ATAD2B: variants seen among roughly 807,000 people sequenced by gnomAD.
The protein encoded by ATAD2B is ATPase family AAA domain containing 2B, also known as ATPase family AAA domain-containing protein 2B.
Under a neutral mutation model 167.6 loss-of-function variants are expected in ATAD2B, and 40 were observed. That is an observed-to-expected ratio of 0.24 (90% CI 0.19 to 0.31). The LOEUF (loss-of-function observed/expected upper bound fraction) is 0.31, where lower values mean the gene tolerates loss of function less well. Among genes scored for constraint, ATAD2B ranks in the 10% least tolerant of loss-of-function variants. The pLI is 1.00. For missense variants in ATAD2B, 1,242 were observed against 1,757.2 expected (o/e 0.71, Z 5.24); for synonymous variants, 579 against 596.5 (o/e 0.97, Z 0.43).
intron 1 of ATAD2B, among the ~76,000 whole-genome samples, chr2:23,915,882 C>T (rs975192383): frequency 6.6e-6 from 1 of 152,040 alleles, no homozygotes; most frequent in Admixed American, 6.6e-5. Context: ...TGAGCCACCG[C>T]GCCTGGCCTC....
At chr2:23,823,723 T>TA (rs1275377894) in intron 15 of ATAD2B, among the ~76,000 whole-genome samples, 154 bp from the exon 16 acceptor site, 1 of 152,222 alleles carries the variant, frequency 6.6e-6, no homozygotes, top group Non-Finnish European at 1.5e-5. Flanking sequence ...ACTAGCCATT[T>TA]AAAATCACCA....
intron 14 of ATAD2B, among the ~76,000 whole-genome samples, chr2:23,829,352 T>G (rs949591382): frequency 2.6e-5 from 4 of 152,228 alleles, no homozygotes; most frequent in Admixed American, 1.3e-4. Flanking sequence ...TTAAACAAAC[T>G]TTACATTTCA....
intron 23 of ATAD2B, 43 bp downstream of exon 23, chr2:23,765,463 G>C: frequency 8.3e-6 from 13 of 1,562,818 alleles, no homozygotes; most frequent in Non-Finnish European, 1.1e-5. Flanking sequence ...GGCCTGAACA[G>C]AGCACACTAG....
At chr2:23,805,483 C>T (rs1216337090) in intron 18 of ATAD2B, among the ~76,000 whole-genome samples, 1 of 152,114 alleles carries the variant, frequency 6.6e-6, no homozygotes, top group African/African-American at 2.4e-5. Context: ...GCTGGTCCCA[C>T]GTGAAGGGAT....
intron 24 of ATAD2B, among the ~76,000 whole-genome samples, chr2:23,761,411 G>T (rs1348211669): frequency 1.3e-5 from 2 of 152,176 alleles, no homozygotes; most frequent in Non-Finnish European, 2.9e-5. Context: ...ACTGCTCGTT[G>T]GAGCATTTCA....
At chr2:23,678,620 T>A in the ATAD2B span, among the ~76,000 whole-genome samples, 1 of 152,218 alleles carries the variant, frequency 6.6e-6, no homozygotes, top group Admixed American at 6.5e-5. Context: ...TAAGTGCTCA[T>A]AGCAGCATTG....
chr2:23,764,474 A>T (rs1677146769), intron 23 of ATAD2B, among the ~76,000 whole-genome samples: 1 of 152,216 alleles, frequency 6.6e-6, no homozygotes, highest in African/African-American at 2.4e-5. Context: ...TCTACAAGAT[A>T]AATCACAAGC....
At chr2:23,787,987 C>A (rs375248557) in intron 20 of ATAD2B, among the ~76,000 whole-genome samples, 2 of 152,166 alleles carry the variant, frequency 1.3e-5, no homozygotes, top group East Asian at 1.9e-4. Context: ...AAATCTAACA[C>A]TTAAAACAAA....
downstream of ATAD2B, among the ~76,000 whole-genome samples, chr2:23,745,452 G>A (rs563993532): frequency 2.3e-4 from 35 of 149,480 alleles, no homozygotes; most frequent in Non-Finnish European, 4.5e-4. Flanking sequence ...GAAGGGAAGG[G>A]AAGGAAGGAA....
At chr2:23,839,668 A>G (rs1414442441) in intron 13 of ATAD2B, among the ~76,000 whole-genome samples, 1 of 152,106 alleles carries the variant, frequency 6.6e-6, no homozygotes, top group Non-Finnish European at 1.5e-5. Flanking sequence ...TTTTATATAC[A>G]TGTTCACAAG....
At chr2:23,743,098 A>C in the ATAD2B span, among the ~76,000 whole-genome samples, 5 of 152,024 alleles carry the variant, frequency 3.3e-5, no homozygotes, top group Non-Finnish European at 1.5e-5. Context: ...AGAAAAGTCC[A>C]GATATAAGAT....
chr2:23,751,728 G>C lies in ATAD2B; in HGVS notation c.*318C>G. The stretch of plus-strand genomic sequence containing the variant: ...TGCTGGTCTGCTCCCTAAGAGAGGA[G>C]TCTCCAAAAGAGAGTGCACAAAAAG... On this transcript the variant is annotated 3_prime_UTR_variant, in exon 28 of 28. Coordinates refer to ENST00000238789, the MANE Select transcript of ATAD2B (RefSeq NM_017552.4). The C allele has an allele frequency of 3.0e-6, 1 of 330,448 alleles. No individual in the cohort carries two copies. The highest frequency in any genetic ancestry group is 5.5e-6 in the Non-Finnish European group (1 of 181,588). 20.5% of individuals were successfully genotyped at this position (330,448 alleles called of 1,614,324 possible). A position where few individuals can be genotyped will look rare whatever the true frequency, so the allele number is the denominator to read the frequency against.
the ATAD2B span, among the ~76,000 whole-genome samples, chr2:23,712,452 G>C: frequency 0.014 from 2,110 of 152,296 alleles, 19 homozygotes; most frequent in Non-Finnish European, 0.023. Flanking sequence ...ATCCACTGCC[G>C]CCTCATTAGA....
downstream of ATAD2B, among the ~76,000 whole-genome samples, chr2:23,747,667 T>C (rs1415556985): frequency 6.6e-6 from 1 of 152,158 alleles, no homozygotes; most frequent in African/African-American, 2.4e-5. Context: ...TATATACCAA[T>C]TCCCCTGGCA....
the ATAD2B span, among the ~76,000 whole-genome samples, chr2:23,692,889 A>G: frequency 1.3e-5 from 2 of 152,178 alleles, no homozygotes; most frequent in Admixed American, 6.5e-5. Context: ...CATGCCTGGC[A>G]CAACATGGAA....
At chr2:23,684,368 C>A in the ATAD2B span, 1 of 1,380,132 alleles carries the variant, frequency 7.2e-7, no homozygotes, top group South Asian at 1.8e-5. This position sits in a 1 kb window ranked among gnomAD's most constrained non-coding sequence, Gnocchi z 4.4. Flanking sequence ...TTAATGGGAA[C>A]CTGGCCCTGT....
the ATAD2B span, among the ~76,000 whole-genome samples, chr2:23,728,009 C>G: frequency 6.6e-6 from 1 of 152,104 alleles, no homozygotes; most frequent in Non-Finnish European, 1.5e-5. Context: ...TTTGTCAAAG[C>G]CCACAGAATG....
At chr2:23,869,869 T>G in intron 8 of ATAD2B, 108 bp from the exon 9 acceptor site, 1 of 714,542 alleles carries the variant, frequency 1.4e-6, no homozygotes, top group East Asian at 2.8e-5. Flanking sequence ...CAGCAAATAT[T>G]TATTAAGATT....
At chr2:23,863,093 G>A (rs893285828) in intron 12 of ATAD2B, among the ~76,000 whole-genome samples, 3 of 152,134 alleles carry the variant, frequency 2.0e-5, no homozygotes, top group African/African-American at 4.8e-5. Context: ...GATTGCTTGA[G>A]CCCAGGAGTT....
Sources: gnomAD v4.1 joint callset for allele counts (sites outside exome capture counted in the v4.1 genomes callset) on GRCh38, gnomAD v4.1.1 for gene constraint, Gnocchi (gnomAD v3.1) non-coding constraint, MANE v1.5 for transcripts, NCBI Gene and HGNC (gene_info 2026-07-23, HGNC 2026-07-21) for gene names.